MINDY4: variants seen among roughly 807,000 people sequenced by gnomAD.
MINDY4 encodes MINDY lysine 48 deubiquitinase 4, also known as probable ubiquitin carboxyl-terminal hydrolase MINDY-4.
In MINDY4, 68 loss-of-function variants were observed where a neutral mutation model predicts 87.0. That is an observed-to-expected ratio of 0.78 (90% CI 0.64 to 0.96). The LOEUF (loss-of-function observed/expected upper bound fraction) is 0.96. MINDY4 is among the 40% of genes least tolerant of loss of function. The pLI is 0.00. For synonymous variants in MINDY4, 379 were observed against 363.2 expected, an observed-to-expected ratio of 1.04 and a Z score of -0.50; for missense variants, 919 against 928.2, an observed-to-expected ratio of 0.99 and a Z score of 0.13.
At chr7:30,787,670 A>G (rs566793999) in intron 4 of MINDY4, among the ~76,000 whole-genome samples, 2 of 152,358 alleles carry the variant, frequency 1.3e-5, no homozygotes, top group African/African-American at 4.8e-5. Context: ...TCCATTAGTC[A>G]GAGCCACCTC....
intron 5 of MINDY4, among the ~76,000 whole-genome samples, chr7:30,822,166 C>A (rs1788353386): frequency 2.0e-5 from 3 of 151,500 alleles, no homozygotes; most frequent in Non-Finnish European, 4.4e-5. Flanking sequence ...AAATTTCTTT[C>A]TTTCTTTCTT....
chr7:30,859,383 G>T, intron 13 of MINDY4, 59 bp downstream of exon 13: 2 of 1,497,852 alleles, frequency 1.3e-6, no homozygotes, highest in South Asian at 2.3e-5. Flanking sequence ...GTTCACTGCT[G>T]CCTCGCTAGA....
chr7:30,791,049 TG>T, intron 4 of MINDY4, 115 bp from the exon 5 acceptor site: 1 of 1,035,902 alleles, frequency 9.7e-7, no homozygotes, highest in Non-Finnish European at 1.4e-6. Context: ...GAGTCCGAGG[TG>T]GGAAAAGACA....
At chr7:30,808,941 GAGAGAGAGAGA>G (rs760871950) in intron 5 of MINDY4, among the ~76,000 whole-genome samples, 1,376 of 58,042 alleles carry the variant, frequency 0.024, 11 homozygotes, top group South Asian at 0.039. Context: ...AGGAGAGAGA[GAGAGAGAGAGA>G]GAGAGGCAGA....
At chr7:30,881,618 G>A (rs1013753145) in intron 15 of MINDY4, among the ~76,000 whole-genome samples, 3 of 152,168 alleles carry the variant, frequency 2.0e-5, no homozygotes, top group East Asian at 3.9e-4. Flanking sequence ...ATGATCTGTC[G>A]AGCATGAGGC....
intron 5 of MINDY4, among the ~76,000 whole-genome samples, chr7:30,812,271 A>G (rs112167706): frequency 0.055 from 3,048 of 55,400 alleles, 48 homozygotes; most frequent in African/African-American, 0.068. Context: ...ATGTGTGTTG[A>G]GGGGGGGGGG....
chr7:30,844,851 G>A (rs1789155771), intron 9 of MINDY4, among the ~76,000 whole-genome samples: 1 of 152,224 alleles, frequency 6.6e-6, no homozygotes, highest in Non-Finnish European at 1.5e-5. Context: ...TGTGAACTAG[G>A]AATAGTCATC....
At chr7:30,875,453 G>C (rs1361263695) in intron 14 of MINDY4, 42 bp from the exon 15 acceptor site, 5 of 1,609,242 alleles carry the variant, frequency 3.1e-6, no homozygotes, top group Non-Finnish European at 3.4e-6. Context: ...TTCAGTAACT[G>C]ATTCAGACTT....
In MINDY4 at chr7:30,882,956, G is replaced by T. The variant is rs536283558; in HGVS notation, c.2188G>T (p.Asp730Tyr). The T allele has an allele frequency of 3.1e-6, 5 of 1,614,046 alleles. No individual in the cohort carries two copies. The highest frequency in any genetic ancestry group is 4.2e-6 in the Non-Finnish European group (5 of 1,179,968). The change falls in exon 17 of 18, where the codon GAC (aspartate) becomes TAC (tyrosine). Residue 730 changes from aspartate (D) to tyrosine (Y), a missense_variant. Coordinates refer to ENST00000265299, the MANE Select transcript of MINDY4 (RefSeq NM_032222.3). The stretch of plus-strand genomic sequence containing the variant: ...AACCATCTCTGAGGACACAGACAAC[G>T]ACCTTGTCCCACCCCTCGAGCTCTG... The part of the protein sequence containing the change: ...TQTISEDTDN[D>Y]LVPPLELCIR...
chr7:30,821,251 G>A lies in MINDY4; in HGVS notation c.1074-7428G>A, dbSNP rs368571242. On this transcript the variant is annotated intron_variant, in intron 5 of 17. Coordinates refer to ENST00000265299, the MANE Select transcript of MINDY4 (RefSeq NM_032222.3). ...ATTTAGGTTTATCTAAATGCTTGCC[G>A]ATTTCTTTTCTTCCTGATATGAGTC... 6.6e-5 allele frequency among the ~76,000 whole-genome samples: 10 copies of A among 152,198 alleles called. No individual in the cohort carries two copies. The East Asian group carries it at 1.4e-3, about 21-fold the overall frequency.
intron 13 of MINDY4, 117 bp from the exon 14 acceptor site, chr7:30,872,126 C>A: frequency 1.0e-6 from 1 of 961,464 alleles, no homozygotes; most frequent in Non-Finnish European, 1.6e-6. Flanking sequence ...CAGGTTCCCA[C>A]CAAATCTGGA....
At chr7:30,834,728 C>G (rs893799111) in intron 6 of MINDY4, among the ~76,000 whole-genome samples, 2 of 152,186 alleles carry the variant, frequency 1.3e-5, no homozygotes, top group African/African-American at 4.8e-5. Flanking sequence ...TAACAGCACT[C>G]AAGTCGCCTC....
intron 5 of MINDY4, among the ~76,000 whole-genome samples, chr7:30,810,174 CAAAAAAAAAAAAA>C (rs58498956): frequency 1.5e-5 from 1 of 66,698 alleles, no homozygotes; most frequent in African/African-American, 6.2e-5. Flanking sequence ...GACTCTGTTT[CAAAAAAAAAAAAA>C]AAAAAAAAAA....
rs752357100 is a variant in MINDY4, at chr7:30,778,683, A to T, written c.183+132A>T. 462 of 1,092,348 alleles carry T rather than the reference A, an allele frequency of 4.2e-4. 1 individual carries two copies. The highest frequency in any genetic ancestry group is 6.0e-4 in the Non-Finnish European group (438 of 732,984). The allele number at this position is 1,092,348 out of a possible 1,614,324, so 67.7% of individuals were successfully genotyped here. ...CTGTCACACTTGCGGTCAGAGAGAAACGGACCCCCCAAATGTGGACAGATC... is the reference window on the plus strand; with the variant it reads ...CTGTCACACTTGCGGTCAGAGAGAATCGGACCCCCCAAATGTGGACAGATC... On this transcript the variant is annotated intron_variant, in intron 2 of 17. Coordinates refer to ENST00000265299, the MANE Select transcript of MINDY4 (RefSeq NM_032222.3).
chr7:30,890,673 A>G (rs910174750), intron 17 of MINDY4, among the ~76,000 whole-genome samples: 3 of 152,212 alleles, frequency 2.0e-5, no homozygotes, highest in African/African-American at 4.8e-5. Context: ...TTTCAACCTA[A>G]AAATTAGAGA....
intron 5 of MINDY4, among the ~76,000 whole-genome samples, chr7:30,818,566 G>T (rs1788232076): frequency 6.6e-6 from 1 of 152,176 alleles, no homozygotes; most frequent in Admixed American, 6.5e-5. Context: ...CTGGACACTT[G>T]CCTCTCCTGC....
chr7:30,814,889 C>A (rs780124818), intron 5 of MINDY4, among the ~76,000 whole-genome samples: 1 of 152,222 alleles, frequency 6.6e-6, no homozygotes, highest in Non-Finnish European at 1.5e-5. Context: ...TGGCTCACAG[C>A]TCTTATATAA....
At chr7:30,890,677 T>A (rs2128584294) in intron 17 of MINDY4, among the ~76,000 whole-genome samples, 1 of 152,216 alleles carries the variant, frequency 6.6e-6, no homozygotes, top group South Asian at 2.1e-4. Flanking sequence ...AACCTAAAAA[T>A]TAGAGACTTT....
intron 5 of MINDY4, among the ~76,000 whole-genome samples, chr7:30,796,165 A>T: frequency 6.7e-6 from 1 of 149,046 alleles, no homozygotes. Context: ...ATATTCATCT[A>T]CTCTCTCAAT....
Sources: allele counts gnomAD v4.1 joint callset (sites outside exome capture counted in the v4.1 genomes callset), GRCh38; gene constraint gnomAD v4.1.1; transcripts MANE v1.5; gene names NCBI Gene and HGNC (gene_info 2026-07-23, HGNC 2026-07-21).